DLGAP2: variants seen among roughly 807,000 people sequenced by gnomAD.
The protein encoded by DLGAP2 is DLG associated protein 2, also known as disks large-associated protein 2.
In DLGAP2, 26 loss-of-function variants were observed where a neutral mutation model predicts 100.3. That is an observed-to-expected ratio of 0.26 (90% CI 0.19 to 0.36). DLGAP2 has a LOEUF of 0.36. Among genes scored for constraint, DLGAP2 ranks in the 10% least tolerant of loss-of-function variants. The pLI, the probability that DLGAP2 is intolerant of heterozygous loss-of-function variation, is 1.00. For missense variants in DLGAP2, 1,858 were observed against 1,453.2 expected (o/e 1.28, Z -4.53); for synonymous variants, 886 against 630.1 (o/e 1.41, Z -6.08).
intron 1 of DLGAP2, among the ~76,000 whole-genome samples, chr8:819,290 G>C (rs998893391): frequency 6.6e-6 from 1 of 152,182 alleles, no homozygotes; most frequent in Non-Finnish European, 1.5e-5. Context: ...TATATCAATA[G>C]ATATCGTAGG....
intron 1 of DLGAP2, among the ~76,000 whole-genome samples, chr8:888,565 G>A (rs1797968173): frequency 6.7e-6 from 1 of 149,902 alleles, no homozygotes; most frequent in Non-Finnish European, 1.5e-5. Context: ...TTCTGTGGGG[G>A]CCATTTTTGT....
rs79459983 is a variant in DLGAP2 at position 1,338,352 on chromosome 8, C to G, written c.106+79469C>G. ...CGTATGATGGAGCCCACACCACATACAGATGCAAATATTATGTGAAATGAG... is the reference window on the plus strand; with the variant it reads ...CGTATGATGGAGCCCACACCACATAGAGATGCAAATATTATGTGAAATGAG... On this transcript the variant is annotated intron_variant, in intron 3 of 14. Transcript: ENST00000637795. Among the ~76,000 whole-genome samples, 510 of 152,316 alleles carry G rather than the reference C, an allele frequency of 3.3e-3. 1 individual carries two copies. Among genetic ancestry groups the G allele is most frequent in the African/African-American group, 0.012 (483 of 41,574 alleles).
chr8:953,754 C>T (rs1349070398), intron 2 of DLGAP2, among the ~76,000 whole-genome samples: 1 of 152,166 alleles, frequency 6.6e-6, no homozygotes, highest in African/African-American at 2.4e-5. Flanking sequence ...GTGGAGCTGA[C>T]GCTGTCACAG....
At chr8:926,373 C>G (rs1798815984) in intron 2 of DLGAP2, among the ~76,000 whole-genome samples, 1 of 152,226 alleles carries the variant, frequency 6.6e-6, no homozygotes, top group Non-Finnish European at 1.5e-5. Context: ...CCTGGCCTTC[C>G]CAGTGCACCT....
At chr8:1,138,961 T>C (rs1419133618) in intron 2 of DLGAP2, among the ~76,000 whole-genome samples, 1 of 152,202 alleles carries the variant, frequency 6.6e-6, no homozygotes, top group Non-Finnish European at 1.5e-5. Flanking sequence ...TCTTCCTGTT[T>C]ATTTACTGGT....
intron 2 of DLGAP2, among the ~76,000 whole-genome samples, chr8:1,169,114 C>A (rs923315606): frequency 2.5e-4 from 37 of 149,906 alleles, no homozygotes; most frequent in African/African-American, 7.4e-4. Context: ...AGCCAGTTTT[C>A]CCAGCACCAT....
intron 2 of DLGAP2, among the ~76,000 whole-genome samples, chr8:1,060,433 C>G (rs1803045242): frequency 7.2e-6 from 1 of 139,270 alleles, no homozygotes; most frequent in African/African-American, 3.4e-5. Flanking sequence ...TTGCTGTGTC[C>G]TTGGTGATCC....
At chr8:764,539 CTG>C (rs1264155744) in intron 1 of DLGAP2, among the ~76,000 whole-genome samples, 1 of 152,228 alleles carries the variant, frequency 6.6e-6, no homozygotes, top group African/African-American at 2.4e-5. Flanking sequence ...CCCACAGACT[CTG>C]TGGCTGATTT....
At chr8:1,315,990 T>C (rs1440061872) in intron 3 of DLGAP2, among the ~76,000 whole-genome samples, 10 of 136,810 alleles carry the variant, frequency 7.3e-5, no homozygotes, top group African/African-American at 2.6e-4. Flanking sequence ...AAATAGAGGC[T>C]GTGCGAGTGC....
chr8:1,194,275 G>A (rs1797703481), intron 2 of DLGAP2, among the ~76,000 whole-genome samples: 2 of 152,108 alleles, frequency 1.3e-5, no homozygotes, highest in African/African-American at 4.8e-5. Context: ...GCGATTTTGA[G>A]AGTGAACCTG....
At chr8:973,762 A>C (rs1437223317) in intron 2 of DLGAP2, among the ~76,000 whole-genome samples, 3 of 152,066 alleles carry the variant, frequency 2.0e-5, no homozygotes, top group African/African-American at 7.2e-5. Context: ...AGGCAAATAT[A>C]CGCGCGGCTG....
intron 2 of DLGAP2, among the ~76,000 whole-genome samples, chr8:1,232,065 A>G (rs752210620): frequency 1.3e-5 from 2 of 152,222 alleles, no homozygotes; most frequent in Non-Finnish European, 2.9e-5. Context: ...TAGTGAACCA[A>G]TATTTTGAAT....
At chr8:1,061,710 C>T (rs1473486723) in intron 2 of DLGAP2, among the ~76,000 whole-genome samples, 1 of 151,710 alleles carries the variant, frequency 6.6e-6, no homozygotes, top group Non-Finnish European at 1.5e-5. Context: ...GCTACAGAAT[C>T]AGCGAGCTCC....
In DLGAP2 at chr8:1,392,180, A is replaced by G. The variant is rs189694842; in HGVS notation, c.107-109186A>G. ...CTAGAAAACAAGACCCCTGAGTTCC[A>G]GGCTCGGGTGCCATTGGAACACCCA... On this transcript the variant is annotated intron_variant, in intron 3 of 14. Coordinates refer to ENST00000637795, the MANE Select transcript of DLGAP2 (RefSeq NM_001346810.2). 5.2e-4 allele frequency among the ~76,000 whole-genome samples: 79 copies of G among 152,314 alleles called. No individual in the cohort carries two copies. In the East Asian group the frequency reaches 0.012, roughly 23 times the overall value.
chr8:1,027,355 G>A (rs932731419), intron 2 of DLGAP2, among the ~76,000 whole-genome samples: 2 of 149,462 alleles, frequency 1.3e-5, no homozygotes, highest in African/African-American at 4.9e-5. Flanking sequence ...GTGGTACCAG[G>A]TGCCCGTTAT....
intron 3 of DLGAP2, among the ~76,000 whole-genome samples, chr8:1,266,111 A>G (rs1799445390): frequency 1.3e-5 from 2 of 152,228 alleles, no homozygotes; most frequent in African/African-American, 4.8e-5. Context: ...AGTGGGTGTA[A>G]CCCAGGAAAA....
At chr8:1,520,630 G>A (rs373699593) in intron 4 of DLGAP2, among the ~76,000 whole-genome samples, 12 of 151,994 alleles carry the variant, frequency 7.9e-5, no homozygotes, top group Admixed American at 2.6e-4. Context: ...TGACTCTTTC[G>A]CTACCTTTGT....
intron 2 of DLGAP2, among the ~76,000 whole-genome samples, chr8:1,080,575 G>C (rs1466492858): frequency 1.3e-5 from 2 of 152,180 alleles, no homozygotes; most frequent in African/African-American, 4.8e-5. Context: ...TGGGAAAGCT[G>C]CAGGGACACA....
intron 4 of DLGAP2, among the ~76,000 whole-genome samples, chr8:1,539,679 ACTCCACTTTCCTGTTTGGAGGATGC>A (rs1156598815): frequency 1.5e-4 from 22 of 150,396 alleles, no homozygotes; most frequent in African/African-American, 5.1e-4. Context: ...CCCTCTCCAG[ACTCCACTTTCCTGTTTGGAGGATGC>A]CGACAGCGAG....
Sources: allele counts gnomAD v4.1 joint callset (sites outside exome capture counted in the v4.1 genomes callset), GRCh38; gene constraint gnomAD v4.1.1; transcripts MANE v1.5; gene names NCBI Gene and HGNC (gene_info 2026-07-23, HGNC 2026-07-21).